CSGALNACT1: variants seen among roughly 807,000 people sequenced by gnomAD.
The protein encoded by CSGALNACT1 is chondroitin sulfate N-acetylgalactosaminyltransferase 1.
A neutral mutation model predicts 51.0 loss-of-function variants in CSGALNACT1; 52 were observed. The ratio of observed to expected loss-of-function variants is 1.02; its 90% CI spans 0.82 to 1.29. CSGALNACT1 has a LOEUF of 1.29. CSGALNACT1 is among the 50% of genes most tolerant of loss of function. CSGALNACT1 has a pLI of 0.00. For missense variants in CSGALNACT1, 935 were observed against 679.2 expected (o/e 1.38, Z -4.19); for synonymous variants, 341 against 254.4 (o/e 1.34, Z -3.24).
intron 3 of CSGALNACT1, among the ~76,000 whole-genome samples, chr8:19,512,850 A>C (rs999910495): frequency 3.3e-5 from 5 of 152,222 alleles, no homozygotes; most frequent in African/African-American, 1.2e-4. Flanking sequence ...TGTAAAGTTA[A>C]AACAGAGGAA....
At chr8:19,757,000 C>T (rs935957151) in intron 1 of CSGALNACT1, among the ~76,000 whole-genome samples, 186 bp downstream of exon 1, 5 of 150,852 alleles carry the variant, frequency 3.3e-5, no homozygotes, top group Non-Finnish European at 5.9e-5. Flanking sequence ...TGCCCTGGGC[C>T]CCCGGCGGGC....
rs112873152 is a variant in CSGALNACT1 at position 19,479,056 on chromosome 8, G to T, written c.635-20414C>A. 3.1e-3 allele frequency among the ~76,000 whole-genome samples: 465 copies of T among 152,292 alleles called. 6 individuals are homozygous for T. The highest frequency in any genetic ancestry group is 0.011 in the African/African-American group (444 of 41,556). ...AGAATGCAAAGTTAAAACACCAAAG[G>T]TTACATGGTCTTATTAATGACTGCT... On this transcript the variant is annotated intron_variant, in intron 4 of 9. Transcript: ENST00000454498.
At chr8:19,562,742 G>T (rs2041048598) in intron 3 of CSGALNACT1, among the ~76,000 whole-genome samples, 1 of 152,160 alleles carries the variant, frequency 6.6e-6, no homozygotes, top group South Asian at 2.1e-4. Context: ...ACCACCTCAT[G>T]CCAGTCAGAA....
chr8:19,596,111 G>C (rs553654417), intron 2 of CSGALNACT1, among the ~76,000 whole-genome samples: 5 of 152,148 alleles, frequency 3.3e-5, no homozygotes, highest in African/African-American at 1.2e-4. Flanking sequence ...CAAGCAATTT[G>C]TCTGCCTTGG....
chr8:19,534,246 G>A (rs569038431), intron 3 of CSGALNACT1, among the ~76,000 whole-genome samples: 1 of 152,256 alleles, frequency 6.6e-6, no homozygotes, highest in South Asian at 2.1e-4. Context: ...CAGGTCAGGA[G>A]TTCGAGACTA....
chr8:19,624,121 C>G (rs2054161357), intron 1 of CSGALNACT1, among the ~76,000 whole-genome samples: 1 of 152,192 alleles, frequency 6.6e-6, no homozygotes, highest in African/African-American at 2.4e-5. Context: ...AGAATGCCCA[C>G]CATCGGTCCC....
chr8:19,409,266 T>A (rs902269533), intron 8 of CSGALNACT1, among the ~76,000 whole-genome samples: 3 of 152,220 alleles, frequency 2.0e-5, no homozygotes, highest in Admixed American at 1.3e-4. Context: ...AACTCTCGCT[T>A]GCTGAGGAAA....
intron 4 of CSGALNACT1, among the ~76,000 whole-genome samples, chr8:19,472,746 A>C (rs987804769): frequency 6.6e-6 from 1 of 152,224 alleles, no homozygotes; most frequent in African/African-American, 2.4e-5. Context: ...AAGATGCTTC[A>C]AAAAGCTTAT....
At chr8:19,680,792 G>A (rs2154208529) in intron 1 of CSGALNACT1, among the ~76,000 whole-genome samples, 1 of 152,036 alleles carries the variant, frequency 6.6e-6, no homozygotes, top group African/African-American at 2.4e-5. Context: ...CACGGTATTA[G>A]GTTTTTATTT....
intron 1 of CSGALNACT1, among the ~76,000 whole-genome samples, chr8:19,754,950 T>C (rs1278912543): frequency 6.6e-6 from 1 of 152,188 alleles, no homozygotes; most frequent in African/African-American, 2.4e-5. Flanking sequence ...AGCCCTAATA[T>C]ATAGTAGGGC....
intron 4 of CSGALNACT1, among the ~76,000 whole-genome samples, chr8:19,462,551 G>C (rs187927078): frequency 5.8e-4 from 89 of 152,212 alleles, no homozygotes; most frequent in African/African-American, 2.1e-3. Context: ...AGCTGCCTTG[G>C]AGGTGCCTGC....
chr8:19,665,144 G>C (rs985125660), intron 1 of CSGALNACT1, among the ~76,000 whole-genome samples: 4 of 152,152 alleles, frequency 2.6e-5, no homozygotes, highest in African/African-American at 9.7e-5. Flanking sequence ...CTCCTGAGTA[G>C]GTGGGATTAC....
At chr8:19,719,549 G>A (rs1265892608) in intron 1 of CSGALNACT1, among the ~76,000 whole-genome samples, 2 of 152,216 alleles carry the variant, frequency 1.3e-5, no homozygotes, top group African/African-American at 4.8e-5. Flanking sequence ...GACAATGGAT[G>A]CCAGGAGCTA....
upstream of CSGALNACT1, among the ~76,000 whole-genome samples, chr8:19,684,251 T>C (rs2154210732): frequency 6.6e-6 from 1 of 152,212 alleles, no homozygotes; most frequent in Middle Eastern, 3.4e-3. Context: ...CAGAAAATCC[T>C]GAAACAGATC....
upstream of CSGALNACT1, among the ~76,000 whole-genome samples, chr8:19,683,995 G>A (rs142136436): frequency 0.017 from 2,630 of 152,024 alleles, 37 homozygotes; most frequent in Non-Finnish European, 0.025. Context: ...GTGAAACCCC[G>A]TCTATACTAA....
chr8:19,714,221 T>A (rs748570011), intron 1 of CSGALNACT1, among the ~76,000 whole-genome samples: 3 of 152,250 alleles, frequency 2.0e-5, no homozygotes, highest in Non-Finnish European at 4.4e-5. Context: ...ACTCCAGCCC[T>A]CTAATTTTTC....
chr8:19,616,857 T>C lies in CSGALNACT1; in HGVS notation c.-543-14992A>G, dbSNP rs142639204. 8.3e-4 allele frequency among the ~76,000 whole-genome samples: 126 copies of C among 152,240 alleles called. 1 individual carries two copies. In the East Asian group the frequency reaches 0.022, roughly 26 times the overall value. On this transcript the variant is annotated intron_variant, in intron 1 of 9. Coordinates refer to the CSGALNACT1 transcript ENST00000332246. Reference sequence around the variant, plus strand: ...TTAAGCCAGCGGTCCCCAACCTTTTTGGCACCAAGGAATGGTTTCGTGGAA... The same window carrying C: ...TTAAGCCAGCGGTCCCCAACCTTTTCGGCACCAAGGAATGGTTTCGTGGAA...
intron 5 of CSGALNACT1, among the ~76,000 whole-genome samples, chr8:19,452,349 T>C (rs555657034): frequency 5.1e-4 from 78 of 151,694 alleles, no homozygotes; most frequent in African/African-American, 1.8e-3. Context: ...TTGGTATTTC[T>C]ACAAATTTTA....
intron 3 of CSGALNACT1, among the ~76,000 whole-genome samples, chr8:19,526,607 A>G (rs1044609112): frequency 1.3e-5 from 2 of 152,068 alleles, no homozygotes; most frequent in African/African-American, 2.4e-5. Flanking sequence ...ATTTATATAT[A>G]AAAATTGTAG....
Sources: allele counts gnomAD v4.1 joint callset (sites outside exome capture counted in the v4.1 genomes callset), GRCh38; gene constraint gnomAD v4.1.1; transcripts MANE v1.5; gene names NCBI Gene and HGNC (gene_info 2026-07-23, HGNC 2026-07-21).